The following ITSN1 variants were observed in gnomAD, a reference collection of about 807,000 sequenced individuals.
ITSN1 encodes the protein intersectin 1, also known as intersectin-1.
ITSN1 carries 58 observed loss-of-function variants against 239.8 expected under a neutral mutation model. The observed-to-expected ratio is 0.24, with a 90% CI of 0.20 to 0.30. The LOEUF (loss-of-function observed/expected upper bound fraction) is 0.30. Ranked by LOEUF, ITSN1 falls within the 10% of genes least tolerant of loss-of-function variation. The pLI is 1.00. For synonymous variants in ITSN1, 780 were observed against 770.8 expected (o/e 1.01, Z -0.20); for missense variants, 1,558 against 2,103.3 (o/e 0.74, Z 5.07).
At chr21:33,678,556 T>C (rs1323929904) in intron 1 of ITSN1, among the ~76,000 whole-genome samples, 2 of 152,194 alleles carry the variant, frequency 1.3e-5, no homozygotes, top group Non-Finnish European at 2.9e-5. Context: ...ATTCACACTT[T>C]AATCACAGCA....
chr21:33,860,728 T>C (rs925774547), intron 31 of ITSN1, among the ~76,000 whole-genome samples: 3 of 151,978 alleles, frequency 2.0e-5, no homozygotes, highest in African/African-American at 7.3e-5. Context: ...GATGCCTAGG[T>C]CCCGGAATAG....
Position 33,823,488 on chromosome 21 carries a change from A to G in ITSN1, c.3018A>G (p.Glu1006=). 1 of 1,612,788 alleles carries G rather than the reference A, an allele frequency of 6.2e-7. No individual in the cohort carries two copies. The highest frequency in any genetic ancestry group is 8.5e-7 in the Non-Finnish European group (1 of 1,179,356). ...TATCTCAATATTTCTCCCCACCAGA[A>G]TTTATTGCCATGTACACTTACGAGA... The part of the protein sequence containing the change: ...PAAKPVVSGE[E]FIAMYTYESS... The change falls in exon 25 of 40, where the codon GAA becomes GAG. Residue 1006 remains glutamate (E), a splice_region_variant and synonymous_variant. Transcript: ENST00000381318.
At chr21:33,675,547 A>G (rs1337543184) in intron 1 of ITSN1, among the ~76,000 whole-genome samples, 1 of 152,190 alleles carries the variant, frequency 6.6e-6, no homozygotes, top group Non-Finnish European at 1.5e-5. Flanking sequence ...AGCCTGGGCG[A>G]CAGAGCGAGA....
At chr21:33,732,816 G>A (rs1313751547) in intron 4 of ITSN1, among the ~76,000 whole-genome samples, 2 of 151,896 alleles carry the variant, frequency 1.3e-5, no homozygotes, top group African/African-American at 4.8e-5. Context: ...GGAAATGGGG[G>A]GAATGTTTCA....
intron 1 of ITSN1, among the ~76,000 whole-genome samples, chr21:33,693,608 C>T (rs575102187): frequency 2.6e-5 from 4 of 152,290 alleles, no homozygotes; most frequent in African/African-American, 9.6e-5. Flanking sequence ...CTACCCTCCT[C>T]GACCTCCCAC....
rs566347849 is a variant in ITSN1, at chr21:33,810,486, G to GTT, written c.2320-479_2320-478dup. On this transcript the variant is annotated intron_variant, in intron 20 of 39. Transcript: ENST00000381318. ...CTCGTGGAAACCATTTAAGGCCATGGTTTTTTTTTTTAAATCTTCCTTGTC... is the reference window on the plus strand; with the variant it reads ...CTCGTGGAAACCATTTAAGGCCATGGTTTTTTTTTTTTTAAATCTTCCTTGTC... Among the ~76,000 whole-genome samples the GTT allele has an allele frequency of 2.6e-4, 38 of 147,556 alleles. No individual in the cohort carries two copies. The East Asian group carries it at 7.3e-3, about 28-fold the overall frequency.
chr21:33,888,564 C>A lies in ITSN1; in HGVS notation c.*264C>A, dbSNP rs2035532648. On this transcript the variant is annotated 3_prime_UTR_variant, in exon 40 of 40. Coordinates refer to ENST00000381318, the MANE Select transcript of ITSN1 (RefSeq NM_003024.3). ...TTATGGCTTCTAGGGTCGCTGAAAT[C>A]CCATAGCCCTCAACAGGGTGCAGCT... 8.6e-6 allele frequency: 3 copies of A among 348,254 alleles called. No individual in the cohort carries two copies. The highest frequency in any genetic ancestry group is 2.1e-5 in the African/African-American group (1 of 47,886). 21.6% of individuals were successfully genotyped at this position (348,254 alleles called of 1,614,324 possible).
chr21:33,853,339 GT>G (rs1048914887), intron 29 of ITSN1, among the ~76,000 whole-genome samples: 157 of 152,362 alleles, frequency 1.0e-3, no homozygotes, highest in African/African-American at 3.7e-3. Context: ...GCCTTGCAAA[GT>G]GTTTGGACCA....
rs1985805865 is a variant in ITSN1 at position 33,886,380 on chromosome 21, A to G, written c.4937A>G (p.Asn1646Ser). 3 of 1,613,834 alleles carry G rather than the reference A, an allele frequency of 1.9e-6. No homozygotes were observed. The highest frequency in any genetic ancestry group is 2.5e-6 in the Non-Finnish European group (3 of 1,179,930). Residue 1646 changes from asparagine to serine, a missense_variant, in exon 39 of 40, where the codon AAC becomes AGC. Asn to Ser is a conservative substitution (Grantham distance 46). Coordinates refer to ENST00000381318, the MANE Select transcript of ITSN1 (RefSeq NM_003024.3). Reference protein sequence around the residue: ...QDTLNPKWNSNCQFFIRDLEQ... With the variant: ...QDTLNPKWNSSCQFFIRDLEQ... The stretch of plus-strand genomic sequence containing the variant: ...ACTCTGAACCCCAAGTGGAATTCCA[A>G]CTGCCAGTTCTTCATCCGAGACCTG...
At position 33,735,184 on chromosome 21, in the gene ITSN1, T is replaced by C; in HGVS notation, c.326T>C (p.Ile109Thr). The C allele has an allele frequency of 6.2e-7, 1 of 1,613,594 alleles. No homozygotes were observed. ...PPVMKQQPVAISSAPAFGMGG... is the reference protein window; with the variant it reads ...PPVMKQQPVATSSAPAFGMGG... ...GTCATGAAACAGCAACCAGTTGCTA[T>C]TTCTAGCGCACCAGCATTTGGTAAG... is the stretch of plus-strand genomic sequence containing the variant. The change falls in exon 5 of 40, where the codon ATT becomes ACT. Residue 109 changes from isoleucine to threonine, a missense_variant. By Grantham distance (89) the Ile-to-Thr change is moderately conservative. Transcript: ENST00000381318.
chr21:33,744,199 AATTAGT>A (rs1421494638), intron 5 of ITSN1, among the ~76,000 whole-genome samples: 3 of 152,236 alleles, frequency 2.0e-5, no homozygotes, highest in African/African-American at 7.2e-5. Flanking sequence ...TGCATTCAGA[AATTAGT>A]ATTAGTATTG....
intron 18 of ITSN1, among the ~76,000 whole-genome samples, chr21:33,798,757 G>A (rs369534014): frequency 6.6e-6 from 1 of 152,314 alleles, no homozygotes; most frequent in African/African-American, 2.4e-5. Flanking sequence ...TGGGCGTGAG[G>A]TATGGAGTTG....
intron 5 of ITSN1, among the ~76,000 whole-genome samples, chr21:33,741,619 G>A (rs1469108671): frequency 6.6e-6 from 1 of 152,064 alleles, no homozygotes; most frequent in Non-Finnish European, 1.5e-5. Context: ...TAGGCCGGGC[G>A]CAGTGACTCA....
intron 1 of ITSN1, among the ~76,000 whole-genome samples, chr21:33,713,119 C>A (rs1389055318): frequency 2.0e-5 from 3 of 152,120 alleles, no homozygotes; most frequent in Admixed American, 2.0e-4. Context: ...CTCAAGTGAT[C>A]CGCCTGCCTT....
At chr21:33,752,276 A>G (rs1232073701) in intron 7 of ITSN1, among the ~76,000 whole-genome samples, 1 of 152,152 alleles carries the variant, frequency 6.6e-6, no homozygotes, top group Non-Finnish European at 1.5e-5. Flanking sequence ...TTTATGTATA[A>G]AATTTTTGTA....
intron 33 of ITSN1, among the ~76,000 whole-genome samples, chr21:33,868,664 G>A (rs1162532660): frequency 2.0e-5 from 3 of 152,194 alleles, no homozygotes; most frequent in African/African-American, 4.8e-5. Flanking sequence ...GCCCGCAAGC[G>A]CCGCACGCAG....
chr21:33,735,400 G>C (rs2066435667), intron 5 of ITSN1, 196 bp downstream of exon 5: 2 of 656,828 alleles, frequency 3.0e-6, no homozygotes, highest in Non-Finnish European at 5.5e-6. Context: ...GGGATGTAAA[G>C]TAATCAAAAT....
chr21:33,888,101 C>G (rs779053860), intron 39 of ITSN1, 51 bp from the exon 40 acceptor site: 1 of 1,587,196 alleles, frequency 6.3e-7, no homozygotes, highest in Admixed American at 1.7e-5. Context: ...ACATGTGCCT[C>G]GAAGAGAGGG....
chr21:33,853,505 G>A (rs929272647), intron 29 of ITSN1, among the ~76,000 whole-genome samples: 6 of 152,178 alleles, frequency 3.9e-5, no homozygotes, highest in African/African-American at 7.2e-5. Context: ...AACCTGCACC[G>A]TGTAAAACTT....
Sources: allele counts gnomAD v4.1 joint callset (sites outside exome capture counted in the v4.1 genomes callset), GRCh38; gene constraint gnomAD v4.1.1; transcripts MANE v1.5; gene names NCBI Gene and HGNC (gene_info 2026-07-23, HGNC 2026-07-21).